Variants in TMEM8B observed in about 807,000 individuals in gnomAD.
TMEM8B encodes nasopharyngeal carcinoma expressed 6.
A neutral mutation model predicts 49.3 loss-of-function variants in TMEM8B; 29 were observed. That is an observed-to-expected ratio of 0.59 (90% CI 0.44 to 0.80). TMEM8B has a LOEUF of 0.80. TMEM8B is among the 30% of genes least tolerant of loss of function. The pLI, the probability that TMEM8B is intolerant of heterozygous loss-of-function variation, is 0.00. For synonymous variants in TMEM8B, 264 were observed against 272.8 expected (o/e 0.97, Z 0.32); for missense variants, 575 against 658.5 (o/e 0.87, Z 1.39).
intron 10 of TMEM8B, among the ~76,000 whole-genome samples, chr9:35,850,457 C>T (rs968767514): frequency 6.6e-6 from 1 of 152,020 alleles, no homozygotes; most frequent in Non-Finnish European, 1.5e-5. Context: ...AAAAATTAGT[C>T]CACGGTTTTT....
At chr9:35,843,335 AT>A (rs1420219731) in intron 6 of TMEM8B, among the ~76,000 whole-genome samples, 1 of 152,152 alleles carries the variant, frequency 6.6e-6, no homozygotes, top group Non-Finnish European at 1.5e-5. Flanking sequence ...AGTATGATAT[AT>A]TTATTACATC....
intron 10 of TMEM8B, among the ~76,000 whole-genome samples, chr9:35,850,564 G>A (rs763867173): frequency 6.6e-6 from 1 of 152,034 alleles, no homozygotes; most frequent in Non-Finnish European, 1.5e-5. Flanking sequence ...TAGTATACCT[G>A]GAAAATAATT....
Position 35,840,886 on chromosome 9 carries a change from T to G in TMEM8B, c.907-248T>G, listed in dbSNP as rs573109239. The stretch of plus-strand genomic sequence containing the variant: ...CCTGATTGTCAGGAGGGCCTGGGTT[T>G]GAATCCCAAAACCTCAGCCAGTGCT... On this transcript the variant is annotated intron_variant, in intron 3 of 12. Coordinates refer to ENST00000643932, the MANE Select transcript of TMEM8B (RefSeq NM_001042590.4). 8.5e-5 allele frequency among the ~76,000 whole-genome samples: 13 copies of G among 152,160 alleles called. No homozygotes were observed. In the East Asian group the frequency reaches 2.5e-3, roughly 29 times the overall value.
Position 35,841,712 on chromosome 9 carries a change from G to T in TMEM8B, c.1227G>T (p.Gly409=), listed in dbSNP as rs1277966738. The T allele has an allele frequency of 4.8e-6, 2 of 415,860 alleles. No homozygotes were observed. Among genetic ancestry groups the T allele is most frequent in the Admixed American group, 4.4e-5 (1 of 22,730 alleles). The allele number at this position is 415,860 out of a possible 1,614,324, so 25.8% of individuals were successfully genotyped here. The change falls in exon 5 of 13, where the codon GGG becomes GGT. Residue 409 remains glycine (G), a synonymous_variant. Coordinates refer to ENST00000643932, the MANE Select transcript of TMEM8B (RefSeq NM_001042590.4). This position sits in a 1 kb window ranked among gnomAD's most constrained non-coding sequence, Gnocchi z 5.9. ...TGGAGCTGGCACTGCCCCCCTGGGG[G>T]CACTGGGTCTACGTGCGTGTGGAAA... ...CQLELALPPW[G]HWVYVRVETS... is the part of the protein sequence containing the mutation.
rs1486879666 is a variant in TMEM8B at position 35,854,299 on chromosome 9, C to G, written c.*459C>G. Reference sequence around the variant, plus strand: ...CAGGCTTCCTTCCCAGAGGCAGCGTCTGGGCTGTGCTGTGCTGTGGAGGAG... The same window carrying G: ...CAGGCTTCCTTCCCAGAGGCAGCGTGTGGGCTGTGCTGTGCTGTGGAGGAG... On this transcript the variant is annotated 3_prime_UTR_variant, in exon 13 of 13. Transcript: ENST00000643932. 6.4e-6 allele frequency: 1 copy of G among 156,182 alleles called. No individual in the cohort carries two copies. Among genetic ancestry groups the G allele is most frequent in the Non-Finnish European group, 1.4e-5 (1 of 70,562 alleles). 9.7% of individuals were successfully genotyped at this position (156,182 alleles called of 1,614,324 possible).
chr9:35,843,832 G>A (rs1205004585), intron 6 of TMEM8B, among the ~76,000 whole-genome samples: 1 of 151,238 alleles, frequency 6.6e-6, no homozygotes, highest in Non-Finnish European at 1.5e-5. Flanking sequence ...GTGTGATCTC[G>A]GCTCACTGCA....
At chr9:35,833,490 C>T (rs1273922866) in intron 1 of TMEM8B, 1 of 328,788 alleles carries the variant, frequency 3.0e-6, no homozygotes, top group East Asian at 1.7e-4. Flanking sequence ...ATTCTAGTCC[C>T]TTGCCTGGCT....
intron 3 of TMEM8B, among the ~76,000 whole-genome samples, chr9:35,837,997 G>A (rs1830604229): frequency 1.3e-5 from 2 of 152,098 alleles, no homozygotes; most frequent in African/African-American, 4.8e-5. Flanking sequence ...GAAAAAGTAG[G>A]TAAAATAATG....
rs142497930 is a variant in TMEM8B, at chr9:35,846,651, A to G, written c.1996+40A>G. ...GAGGGAGCGGGCTGCGGTGGACTGGAGGTGGACCTGCTGGGCCTGTGGGCA... is the reference window on the plus strand; with the variant it reads ...GAGGGAGCGGGCTGCGGTGGACTGGGGGTGGACCTGCTGGGCCTGTGGGCA... On this transcript the variant is annotated intron_variant, in intron 9 of 12. Coordinates refer to ENST00000643932, the MANE Select transcript of TMEM8B (RefSeq NM_001042590.4). 7 of 1,568,870 alleles carry G rather than the reference A, an allele frequency of 4.5e-6. No homozygotes were observed. In the African/African-American group the frequency reaches 6.7e-5, roughly 15 times the overall value.
rs1832640489 is a variant in TMEM8B, at chr9:35,860,901, C to T, written c.*7061C>T. On this transcript the variant is annotated 3_prime_UTR_variant, in exon 13 of 13. Coordinates refer to ENST00000643932, the MANE Select transcript of TMEM8B (RefSeq NM_001042590.4). ...CGGTGGGCGAGGCTGTGGTCTCTCC[C>T]AGGTGACCTCCATCGCCATGCAGAG... 2 of 152,242 alleles carry T rather than the reference C, an allele frequency of 1.3e-5. No homozygotes were observed. The highest frequency in any genetic ancestry group is 4.8e-5 in the African/African-American group (2 of 41,442). 9.4% of individuals were successfully genotyped at this position (152,242 alleles called of 1,614,324 possible).
In TMEM8B at chr9:35,864,414, C is replaced by T. The variant is rs1024840520; in HGVS notation, c.*10574C>T. The T allele has an allele frequency of 6.6e-6, 1 of 152,250 alleles. No homozygotes were observed. The highest frequency in any genetic ancestry group is 2.4e-5 in the African/African-American group (1 of 41,456). The allele number at this position is 152,250 out of a possible 1,614,324, so 9.4% of individuals were successfully genotyped here. ...TACAATTTCCCCGAAATGCCTGGAT[C>T]TGGGATTCCTGCTTCCTGGCTGTGT... On this transcript the variant is annotated 3_prime_UTR_variant, in exon 13 of 13. Coordinates refer to ENST00000643932, the MANE Select transcript of TMEM8B (RefSeq NM_001042590.4).
rs1458594156 is a variant in TMEM8B at position 35,860,289 on chromosome 9, T to A, written c.*6449T>A. On this transcript the variant is annotated 3_prime_UTR_variant, in exon 13 of 13. Transcript: ENST00000643932. ...AAAGATTCATGTTTAAAATGATCGT[T>A]TGGAATCCAAAGTGTTTTTGGTCAT... 1 of 152,256 alleles carries A rather than the reference T, an allele frequency of 6.6e-6. No individual in the cohort carries two copies. Among genetic ancestry groups the A allele is most frequent in the Non-Finnish European group, 1.5e-5 (1 of 68,040 alleles). 9.4% of individuals were successfully genotyped at this position (152,256 alleles called of 1,614,324 possible). A position where few individuals can be genotyped will look rare whatever the true frequency, so the allele number is the denominator to read the frequency against.
chr9:35,863,907 C>T lies in TMEM8B; in HGVS notation c.*10067C>T, dbSNP rs1033100849. 2 of 152,260 alleles carry T rather than the reference C, an allele frequency of 1.3e-5. No homozygotes were observed. The highest frequency in any genetic ancestry group is 2.1e-4 in the South Asian group (1 of 4,834). 9.4% of individuals were successfully genotyped at this position (152,260 alleles called of 1,614,324 possible). A position where few individuals can be genotyped will look rare whatever the true frequency, so the allele number is the denominator to read the frequency against. On this transcript the variant is annotated 3_prime_UTR_variant, in exon 13 of 13. Transcript: ENST00000643932. The stretch of plus-strand genomic sequence containing the variant: ...GTCTTATGACTCTCAGAAAGCTACT[C>T]TAGTGGCCATCTACCAGTGTCACGC...
At chr9:35,830,004 G>A in intron 1 of TMEM8B, 49 bp downstream of exon 1, 1 of 414,692 alleles carries the variant, frequency 2.4e-6, no homozygotes, top group East Asian at 3.6e-5. Context: ...GTTCCGGCAG[G>A]GAGGGGTGGG....
chr9:35,852,833 C>G lies in TMEM8B; in HGVS notation c.2182C>G (p.His728Asp). The change falls in exon 11 of 13, where the codon CAT (histidine) becomes GAT (aspartate). Residue 728 changes from histidine (H) to aspartate (D), a missense_variant. Coordinates refer to ENST00000643932, the MANE Select transcript of TMEM8B (RefSeq NM_001042590.4). ...TFTMFFSTFYHACDQPGIVVF... is the reference protein window; with the variant it reads ...TFTMFFSTFYDACDQPGIVVF... Reference sequence around the variant, plus strand: ...CTGTCATTTCTTCCTTCAGTTCTATCATGCCTGTGACCAGCCAGGCATCGT... The same window carrying G: ...CTGTCATTTCTTCCTTCAGTTCTATGATGCCTGTGACCAGCCAGGCATCGT... The G allele has an allele frequency of 6.2e-7, 1 of 1,614,174 alleles. No homozygotes were observed.
At chr9:35,843,682 A>G (rs949982760) in intron 6 of TMEM8B, among the ~76,000 whole-genome samples, 3 of 152,216 alleles carry the variant, frequency 2.0e-5, no homozygotes, top group Non-Finnish European at 4.4e-5. Context: ...CCAGTTGTAT[A>G]CATTTACTTT....
Position 35,842,762 on chromosome 9 carries a change from G to A in TMEM8B, c.1635+45G>A. The A allele has an allele frequency of 6.4e-7, 1 of 1,556,058 alleles. No homozygotes were observed. Among genetic ancestry groups the A allele is most frequent in the Non-Finnish European group, 8.7e-7 (1 of 1,148,552 alleles). ...GGGAGGTTGCTCTGCCAGGGAGCTT[G>A]AAGGGGAAGGTGTCAGGGGTGTTGG... is the stretch of plus-strand genomic sequence containing the variant. On this transcript the variant is annotated intron_variant, in intron 6 of 12. Transcript: ENST00000643932. This position sits in a 1 kb window ranked among gnomAD's most constrained non-coding sequence, Gnocchi z 5.6.
chr9:35,846,069 G>A lies in TMEM8B; in HGVS notation c.1729+1G>A, dbSNP rs1831509476. The A allele has an allele frequency of 6.2e-7, 1 of 1,613,932 alleles. No individual in the cohort carries two copies. The highest frequency in any genetic ancestry group is 8.5e-7 in the Non-Finnish European group (1 of 1,179,986). On this transcript the variant is annotated splice_donor_variant, in intron 7 of 12. Transcript: ENST00000643932. LOFTEE classifies it high-confidence loss of function. ...GATGCAGCAGTGACCTGTTCCAAAG[G>A]TGAGGTGAGGAATGGGGGAGGAGAG...
intron 6 of TMEM8B, chr9:35,845,367 C>T: frequency 1.0e-6 from 1 of 982,534 alleles, no homozygotes; most frequent in Non-Finnish European, 1.2e-6. Flanking sequence ...GCCTCAAATC[C>T]TTCTTGAATG....
Sources: allele counts gnomAD v4.1 joint callset (sites outside exome capture counted in the v4.1 genomes callset), GRCh38; gene constraint gnomAD v4.1.1; non-coding constraint Gnocchi (gnomAD v3.1); transcripts MANE v1.5; gene names NCBI Gene and HGNC (gene_info 2026-07-23, HGNC 2026-07-21).